Variants in GATA4 observed in about 807,000 individuals in gnomAD.
GATA4 encodes GATA binding protein 4, also known as transcription factor GATA-4.
A neutral mutation model predicts 37.9 loss-of-function variants in GATA4; 7 were observed. The ratio of observed to expected loss-of-function variants is 0.18; its 90% confidence interval spans 0.11 to 0.35. The LOEUF is 0.35. Among genes scored for constraint, GATA4 ranks in the 10% least tolerant of loss-of-function variants. The pLI, the probability that GATA4 is intolerant of heterozygous loss-of-function variation, is 1.00. For missense variants in GATA4, 647 were observed against 653.0 expected (o/e 0.99, Z 0.10); for synonymous variants, 372 against 292.6 (o/e 1.27, Z -2.77).
intron 2 of GATA4, among the ~76,000 whole-genome samples, chr8:11,748,047 C>T (rs1300358284): frequency 1.3e-5 from 2 of 151,812 alleles, no homozygotes; most frequent in African/African-American, 4.8e-5. Flanking sequence ...GATGAAACCC[C>T]GTCTCTACTA....
chr8:11,758,855 C>T lies in GATA4; in HGVS notation c.*380C>T, dbSNP rs1802741509. The T allele has an allele frequency of 6.0e-6, 2 of 334,948 alleles. No homozygotes were observed. The highest frequency in any genetic ancestry group is 8.2e-5 in the Admixed American group (2 of 24,492). 20.7% of individuals were successfully genotyped at this position (334,948 alleles called of 1,614,324 possible). A position where few individuals can be genotyped will look rare whatever the true frequency, so the allele number is the denominator to read the frequency against. The stretch of plus-strand genomic sequence containing the variant: ...AGCGGAGGGCCGGGCCCTGGGACCC[C>T]TGCTCCAGCCCGAATGACGGCATCT... On this transcript the variant is annotated 3_prime_UTR_variant, in exon 7 of 7. Transcript: ENST00000532059.
intron 2 of GATA4, among the ~76,000 whole-genome samples, chr8:11,732,850 T>C (rs1203116845): frequency 6.6e-6 from 1 of 152,154 alleles, no homozygotes; most frequent in Non-Finnish European, 1.5e-5. Flanking sequence ...TCCCCAACTA[T>C]AGAAAACTGC....
Position 11,717,424 on chromosome 8 carries a change from C to A in GATA4, c.616+8496C>A, listed in dbSNP as rs1180401755. Among the ~76,000 whole-genome samples the A allele has an allele frequency of 2.6e-5, 4 of 152,084 alleles. No individual in the cohort carries two copies. In the East Asian group the frequency reaches 7.7e-4, roughly 29 times the overall value. Reference sequence around the variant, plus strand: ...TGCCAGGGACTTTGAAGTCTTTCTCCAAGAGGTAGATACGATGATCTCTGT... The same window carrying A: ...TGCCAGGGACTTTGAAGTCTTTCTCAAAGAGGTAGATACGATGATCTCTGT... On this transcript the variant is annotated intron_variant, in intron 2 of 6. Coordinates refer to ENST00000532059, the MANE Select transcript of GATA4 (RefSeq NM_001308093.3).
intron 2 of GATA4, among the ~76,000 whole-genome samples, chr8:11,715,402 C>A (rs923375139): frequency 1.3e-5 from 2 of 152,092 alleles, no homozygotes; most frequent in African/African-American, 4.8e-5. Flanking sequence ...CATTTAATAA[C>A]AAGAAAATAC....
At chr8:11,720,571 G>A (rs978228440) in intron 2 of GATA4, among the ~76,000 whole-genome samples, 4 of 152,078 alleles carry the variant, frequency 2.6e-5, no homozygotes, top group Non-Finnish European at 5.9e-5. Context: ...AGTACCCAAT[G>A]CTTATCTTTT....
chr8:11,716,986 T>C (rs1800460607), intron 2 of GATA4, among the ~76,000 whole-genome samples: 1 of 152,248 alleles, frequency 6.6e-6, no homozygotes, highest in East Asian at 1.9e-4. Flanking sequence ...AAGCAACTTT[T>C]CTGACATCTG....
intron 2 of GATA4, among the ~76,000 whole-genome samples, chr8:11,741,499 AAGTCCCTGTGAG>A (rs1449946652): frequency 6.6e-6 from 1 of 152,028 alleles, no homozygotes; most frequent in African/African-American, 2.4e-5. Flanking sequence ...CAAACAAAAA[AAGTCCCTGTGAG>A]AGCAATGCAA....
At chr8:11,740,245 A>G (rs1801663511) in intron 2 of GATA4, among the ~76,000 whole-genome samples, 1 of 152,192 alleles carries the variant, frequency 6.6e-6, no homozygotes, top group African/African-American at 2.4e-5. Flanking sequence ...CCGGGACACT[A>G]GGGAGACACA....
chr8:11,725,044 G>A (rs570322444), intron 2 of GATA4, among the ~76,000 whole-genome samples: 2 of 152,354 alleles, frequency 1.3e-5, no homozygotes, highest in African/African-American at 2.4e-5. Flanking sequence ...TGGCCTTCAC[G>A]TTTGCTTCAC....
chr8:11,708,500 C>G lies in GATA4; in HGVS notation c.188C>G (p.Ser63Cys). 9 of 1,481,636 alleles carry G rather than the reference C, an allele frequency of 6.1e-6. No homozygotes were observed. Among genetic ancestry groups the G allele is most frequent in the Non-Finnish European group, 8.0e-6 (9 of 1,123,430 alleles). 91.8% of individuals were successfully genotyped at this position (1,481,636 alleles called of 1,614,324 possible). Reference sequence around the variant, plus strand: ...CAGGGCGGAGGCGCGGGCTCTGCGTCCGGAGGCGCCTCGGGCGGCAGCTCC... The same window carrying G: ...CAGGGCGGAGGCGCGGGCTCTGCGTGCGGAGGCGCCTCGGGCGGCAGCTCC... ...YLQGGGAGSA[S>C]GGASGGSSGG... Residue 63 changes from serine (S) to cysteine (C), a missense_variant, in exon 2 of 7, where the codon TCC becomes TGC. Coordinates refer to ENST00000532059, the MANE Select transcript of GATA4 (RefSeq NM_001308093.3). This position sits in a 1 kb window ranked among gnomAD's most constrained non-coding sequence, Gnocchi z 6.7.
chr8:11,701,244 G>GAAAAAAAAAAAAAAAAAAA (rs56051265), upstream of GATA4, among the ~76,000 whole-genome samples: 1 of 126,418 alleles, frequency 7.9e-6, no homozygotes, highest in Non-Finnish European at 1.6e-5. Flanking sequence ...CAGGTTCTTA[G>GAAAAAAAAAAAAAAAAAAA]AAAAAAAAAA....
At position 11,749,561 on chromosome 8, in the gene GATA4, T is replaced by C. The variant is rs1358219259; in HGVS notation, c.786+476T>C. ...TTGGGCCCCGTGGCTAGGGAAGAGT[T>C]TGGGCCTGGGGCTTGGCTCCTGGCT... On this transcript the variant is annotated intron_variant, in intron 3 of 6. Coordinates refer to ENST00000532059, the MANE Select transcript of GATA4 (RefSeq NM_001308093.3). This position sits in a 1 kb window ranked among gnomAD's most constrained non-coding sequence, Gnocchi z 4.6. Among the ~76,000 whole-genome samples, 1 of 152,174 alleles carries C rather than the reference T, an allele frequency of 6.6e-6. No individual in the cohort carries two copies. Among genetic ancestry groups the C allele is most frequent in the Non-Finnish European group, 1.5e-5 (1 of 68,018 alleles).
chr8:11,678,733 A>G (rs1435588721), intron 1 of GATA4, among the ~76,000 whole-genome samples: 2 of 152,234 alleles, frequency 1.3e-5, no homozygotes, highest in Non-Finnish European at 2.9e-5. Flanking sequence ...ATCGGTCTAC[A>G]GTAAAGGATA....
In GATA4 at chr8:11,750,261, G is replaced by A. The variant is rs147860174; in HGVS notation, c.912+25G>A. On this transcript the variant is annotated intron_variant, in intron 4 of 6. Coordinates refer to ENST00000532059, the MANE Select transcript of GATA4 (RefSeq NM_001308093.3). ...GGTACGTGGGTCCTGCGCCCATGCG[G>A]CATCCTTGCCTTCTGATGCCCATCT... 7.3e-3 allele frequency: 11,726 copies of A among 1,610,336 alleles called. 67 individuals carry two copies. The highest frequency in any genetic ancestry group is 8.5e-3 in the Non-Finnish European group (9,986 of 1,179,944).
At chr8:11,757,637 G>T (rs1303860860) in intron 6 of GATA4, among the ~76,000 whole-genome samples, 1 of 152,230 alleles carries the variant, frequency 6.6e-6, no homozygotes, top group African/African-American at 2.4e-5. Context: ...GGGCAGGCTG[G>T]TGGGGAGGTC....
At chr8:11,740,853 C>T (rs1007128342) in intron 2 of GATA4, among the ~76,000 whole-genome samples, 4 of 152,000 alleles carry the variant, frequency 2.6e-5, no homozygotes, top group African/African-American at 4.8e-5. Flanking sequence ...CCTGCCTCAG[C>T]CTCCCGAGTA....
At chr8:11,697,610 C>T (rs1585572654) in intron 1 of GATA4, 2 of 985,418 alleles carry the variant, frequency 2.0e-6, no homozygotes, top group Non-Finnish European at 2.4e-6. Context: ...CGAGGATGGC[C>T]GGACGGCCGG....
chr8:11,712,792 T>G (rs964887704), intron 2 of GATA4, among the ~76,000 whole-genome samples: 3 of 151,552 alleles, frequency 2.0e-5, no homozygotes, highest in Non-Finnish European at 4.4e-5. Flanking sequence ...GTCAGGGAGG[T>G]TGAGGCTGCA....
At chr8:11,730,511 G>T (rs961978346) in intron 2 of GATA4, among the ~76,000 whole-genome samples, 4 of 152,202 alleles carry the variant, frequency 2.6e-5, no homozygotes, top group African/African-American at 9.7e-5. Flanking sequence ...GTACTGTTCT[G>T]GTCAGGAGCT....
Sources: allele counts gnomAD v4.1 joint callset (sites outside exome capture counted in the v4.1 genomes callset), GRCh38; gene constraint gnomAD v4.1.1; non-coding constraint Gnocchi (gnomAD v3.1); transcripts MANE v1.5; gene names NCBI Gene and HGNC (gene_info 2026-07-23, HGNC 2026-07-21).